The following TENT2 variants were observed in gnomAD, a reference collection of about 807,000 sequenced individuals.
TENT2 encodes terminal nucleotidyltransferase 2.
In TENT2, 44 loss-of-function variants were observed where a neutral mutation model predicts 72.2. The ratio of observed to expected loss-of-function variants is 0.61; its 90% CI spans 0.48 to 0.78. TENT2 has a LOEUF of 0.78. Ranked by LOEUF, TENT2 falls within the 30% of genes least tolerant of loss-of-function variation. TENT2 has a pLI of 0.00. For synonymous variants in TENT2, 212 were observed against 192.5 expected, an observed-to-expected ratio of 1.10 and a Z score of -0.84; for missense variants, 541 against 569.6, an observed-to-expected ratio of 0.95 and a Z score of 0.51.
At position 79,687,527 on chromosome 5, in the gene TENT2, G is replaced by A. The variant is rs1826402253; in HGVS notation, c.*2254G>A. The stretch of plus-strand genomic sequence containing the variant: ...ACTTTAAATCATCTCTAAATTACCT[G>A]ATACGTAATACAATGTAAATGCTAT... On this transcript the variant is annotated 3_prime_UTR_variant, in exon 15 of 15. Transcript: ENST00000453514. Among the ~76,000 whole-genome samples, 1 of 152,114 alleles carries A rather than the reference G, an allele frequency of 6.6e-6. No individual in the cohort carries two copies. The highest frequency in any genetic ancestry group is 2.4e-5 in the African/African-American group (1 of 41,412).
intron 4 of TENT2, among the ~76,000 whole-genome samples, chr5:79,631,310 T>A (rs1465173904): frequency 6.6e-6 from 1 of 152,196 alleles, no homozygotes; most frequent in Non-Finnish European, 1.5e-5. Flanking sequence ...GGTGGCCTCA[T>A]TTGCTGAGAC....
chr5:79,666,177 C>T (rs1406571872), intron 11 of TENT2, among the ~76,000 whole-genome samples: 2 of 151,216 alleles, frequency 1.3e-5, no homozygotes, highest in East Asian at 1.9e-4. Context: ...TTAGTAGAGA[C>T]GGGGTTTCAC....
At chr5:79,631,084 A>T (rs964298703) in intron 4 of TENT2, among the ~76,000 whole-genome samples, 2 of 152,184 alleles carry the variant, frequency 1.3e-5, no homozygotes, top group African/African-American at 4.8e-5. Context: ...CAATATCGAC[A>T]TTTTAGGCCA....
rs575846758 is a variant in TENT2, at chr5:79,613,193, T to C, written c.-38+118T>C. 5.9e-4 allele frequency: 90 copies of C among 152,366 alleles called. 1 individual carries two copies. Among genetic ancestry groups the C allele is most frequent in the African/African-American group, 2.0e-3 (82 of 41,576 alleles). The allele number at this position is 152,366 out of a possible 1,614,324, so 9.4% of individuals were successfully genotyped here. A position where few individuals can be genotyped will look rare whatever the true frequency, so the allele number is the denominator to read the frequency against. On this transcript the variant is annotated intron_variant, in intron 1 of 14. Coordinates refer to ENST00000453514, the MANE Select transcript of TENT2 (RefSeq NM_001114394.3). ...AGGAAAATGCACAGGTTAAGACTGT[T>C]GTGTGCGTTTCTTTTCTTGTTCAGC...
rs1007908274 is a variant in TENT2, at chr5:79,612,730, G to GT, written c.-382dup. 8 of 152,750 alleles carry GT rather than the reference G, an allele frequency of 5.2e-5. No homozygotes were observed. Among genetic ancestry groups the GT allele is most frequent in the African/African-American group, 1.9e-4 (8 of 41,462 alleles). The allele number at this position is 152,750 out of a possible 1,614,324, so 9.5% of individuals were successfully genotyped here. A position where few individuals can be genotyped will look rare whatever the true frequency, so the allele number is the denominator to read the frequency against. On this transcript the variant is annotated 5_prime_UTR_variant, in exon 1 of 15. Transcript: ENST00000453514. ...GGGCCTTAGAACTTCTGAACGGGCA[G>GT]TGCGGGTAGGCCCTGCTTAGCCCTT...
chr5:79,623,174 TTA>T, intron 3 of TENT2, 76 bp from the exon 4 acceptor site: 1 of 947,884 alleles, frequency 1.1e-6, no homozygotes, highest in Non-Finnish European at 1.5e-6. Context: ...CTTATGATAT[TTA>T]TATATATTTA....
chr5:79,674,115 G>T (rs915121391), intron 12 of TENT2, among the ~76,000 whole-genome samples: 2 of 152,296 alleles, frequency 1.3e-5, no homozygotes, highest in Middle Eastern at 6.8e-3. Flanking sequence ...CGGGCGTGGT[G>T]GCTCACGCCT....
In TENT2 at chr5:79,659,494, T is replaced by G. The variant is rs139077496; in HGVS notation, c.1071+2493T>G. ...TTGCAGTGAGCCCAGATTGCGCCACTGTACTCCAGCCTCGGCGACAGAGCG... is the reference window on the plus strand; with the variant it reads ...TTGCAGTGAGCCCAGATTGCGCCACGGTACTCCAGCCTCGGCGACAGAGCG... On this transcript the variant is annotated intron_variant, in intron 11 of 14. Coordinates refer to ENST00000453514, the MANE Select transcript of TENT2 (RefSeq NM_001114394.3). Among the ~76,000 whole-genome samples the G allele has an allele frequency of 3.8e-3, 487 of 128,708 alleles. 23 individuals are homozygous for G. The East Asian group carries it at 0.082, about 22-fold the overall frequency. The allele number at this position is 128,708 out of a possible 152,430, so 84.4% of individuals were successfully genotyped here.
chr5:79,671,335 C>T (rs1399702603), intron 12 of TENT2, among the ~76,000 whole-genome samples: 2 of 151,628 alleles, frequency 1.3e-5, no homozygotes, highest in Non-Finnish European at 2.9e-5. Context: ...AGAATTATGG[C>T]AATTGTTAAA....
At chr5:79,632,199 GAGTC>G (rs1218911533) in intron 4 of TENT2, among the ~76,000 whole-genome samples, 1 of 152,150 alleles carries the variant, frequency 6.6e-6, no homozygotes, top group East Asian at 1.9e-4. Context: ...TAATAATAGT[GAGTC>G]AGTCAGCTGA....
At chr5:79,614,244 A>T (rs1315457517) in intron 1 of TENT2, among the ~76,000 whole-genome samples, 1 of 151,874 alleles carries the variant, frequency 6.6e-6, no homozygotes, top group Non-Finnish European at 1.5e-5. Context: ...CTGGGATTAC[A>T]GGCACGTGCC....
chr5:79,615,912 G>A (rs1033793034), intron 1 of TENT2, among the ~76,000 whole-genome samples: 5 of 150,950 alleles, frequency 3.3e-5, no homozygotes, highest in Non-Finnish European at 7.4e-5. Context: ...TTTTTGAGAC[G>A]AAGTCTCGTT....
intron 4 of TENT2, among the ~76,000 whole-genome samples, chr5:79,634,630 C>T (rs756116712): frequency 2.6e-5 from 4 of 152,050 alleles, no homozygotes; most frequent in East Asian, 1.9e-4. Context: ...TGAGCCACTG[C>T]GCCTGGCCAG....
intron 10 of TENT2, chr5:79,656,741 G>T: frequency 2.2e-6 from 1 of 446,104 alleles, no homozygotes; most frequent in Non-Finnish European, 4.0e-6. Flanking sequence ...ATTTACATAG[G>T]GATATATGTA....
intron 4 of TENT2, among the ~76,000 whole-genome samples, chr5:79,625,996 T>G (rs1769390481): frequency 6.6e-6 from 1 of 151,474 alleles, no homozygotes; most frequent in Non-Finnish European, 1.5e-5. Flanking sequence ...GTCTGGCTAA[T>G]TTTTGTATTT....
At position 79,619,971 on chromosome 5, in the gene TENT2, GTTCTT is replaced by G. The variant is rs1319002964; in HGVS notation, c.138-16_138-12del. On this transcript the variant is annotated intron_variant, in intron 2 of 14. Coordinates refer to ENST00000453514, the MANE Select transcript of TENT2 (RefSeq NM_001114394.3). ...AAAGAAAAAATATGTATAAATTACT[GTTCTT>G]TTCTTTGATTTTGTTAGCTTGTCTA... 1 of 1,550,038 alleles carries G rather than the reference GTTCTT, an allele frequency of 6.5e-7. No homozygotes were observed. Among genetic ancestry groups the G allele is most frequent in the Admixed American group, 1.9e-5 (1 of 53,372 alleles).
rs763033865 is a variant in TENT2 at position 79,623,424 on chromosome 5, C to G, written c.400C>G (p.Pro134Ala). 1 of 1,611,684 alleles carries G rather than the reference C, an allele frequency of 6.2e-7. No individual in the cohort carries two copies. The highest frequency in any genetic ancestry group is 8.5e-7 in the Non-Finnish European group (1 of 1,178,884). The change falls in exon 4 of 15, where the codon CCA (proline) becomes GCA (alanine). Residue 134 changes from proline to alanine, a missense_variant. Coordinates refer to ENST00000453514, the MANE Select transcript of TENT2 (RefSeq NM_001114394.3). The part of the protein sequence containing the change: ...HYVPDIVRCV[P>A]PFREIAFLEP... ...TGTACCAGATATAGTCAGATGTGTT[C>G]CACCTTTTCGAGAAATTGCATTTTT...
chr5:79,648,962 A>G, intron 9 of TENT2, 100 bp from the exon 10 acceptor site: 1 of 1,290,546 alleles, frequency 7.7e-7, no homozygotes, highest in African/African-American at 1.5e-5. Flanking sequence ...ATATACACGG[A>G]GACAGTGTTC....
intron 4 of TENT2, among the ~76,000 whole-genome samples, chr5:79,640,546 C>A (rs1238593280): frequency 6.6e-6 from 1 of 152,086 alleles, no homozygotes; most frequent in Non-Finnish European, 1.5e-5. Flanking sequence ...TTCTCAGGGG[C>A]CATACTAATA....
Sources: gnomAD v4.1 joint callset for allele counts (sites outside exome capture counted in the v4.1 genomes callset) on GRCh38, gnomAD v4.1.1 for gene constraint, MANE v1.5 for transcripts, NCBI Gene and HGNC (gene_info 2026-07-23, HGNC 2026-07-21) for gene names.